DNAI7: variants seen among roughly 807,000 people sequenced by gnomAD.
DNAI7 encodes cancer susceptibility 1.
A neutral mutation model predicts 86.6 loss-of-function variants in DNAI7; 78 were observed. That is an observed-to-expected ratio of 0.90 (90% CI 0.75 to 1.09). The LOEUF is 1.09. Among genes scored for constraint, DNAI7 ranks in the 50% least tolerant of loss-of-function variants. The pLI is 0.00. For missense variants in DNAI7, 753 were observed against 810.2 expected, an observed-to-expected ratio of 0.93 and a Z score of 0.86; for synonymous variants, 274 against 273.0, an observed-to-expected ratio of 1.00 and a Z score of -0.04.
chr12:25,134,692 C>T (rs929121564), intron 9 of DNAI7, among the ~76,000 whole-genome samples: 2 of 152,058 alleles, frequency 1.3e-5, no homozygotes, highest in Non-Finnish European at 2.9e-5. Flanking sequence ...TCAACATCAT[C>T]ATTTGCATAT....
intron 6 of DNAI7, among the ~76,000 whole-genome samples, chr12:25,153,711 C>T (rs1945831378): frequency 6.6e-6 from 1 of 152,176 alleles, no homozygotes; most frequent in Admixed American, 6.5e-5. Flanking sequence ...GCCATGGCTT[C>T]AAGACCTTCT....
intron 10 of DNAI7, among the ~76,000 whole-genome samples, chr12:25,122,482 A>G (rs1031662059): frequency 6.6e-6 from 1 of 151,158 alleles, no homozygotes; most frequent in Non-Finnish European, 1.5e-5. Context: ...GGAGAAGAAG[A>G]AGAAGAAAGA....
chr12:25,159,658 C>T (rs1048958212), intron 3 of DNAI7, among the ~76,000 whole-genome samples: 2 of 152,012 alleles, frequency 1.3e-5, no homozygotes, highest in African/African-American at 4.8e-5. Flanking sequence ...ATGCAATTAC[C>T]TTAATCTTCT....
At position 25,114,703 on chromosome 12, in the gene DNAI7, G is replaced by A. The variant is rs1939701585; in HGVS notation, c.1564C>T (p.Leu522Phe). 1.2e-6 allele frequency: 2 copies of A among 1,613,124 alleles called. No homozygotes were observed. Among genetic ancestry groups the A allele is most frequent in the African/African-American group, 2.7e-5 (2 of 74,876 alleles). ...ELRPLDVNKVLLTVTTVFTEI... is the reference protein window; with the variant it reads ...ELRPLDVNKVFLTVTTVFTEI... ...GTAAATACTGTAGTCACAGTTAAAA[G>A]TACTTTATTTACATCAAGTGGTCTT... The change falls in exon 13 of 16, where the codon CTT becomes TTT. Residue 522 changes from leucine (L) to phenylalanine (F), a missense_variant. Transcript: ENST00000395987.
Position 25,110,225 on chromosome 12 carries a change from C to T in DNAI7, c.1795G>A (p.Val599Met). 1 of 1,604,122 alleles carries T rather than the reference C, an allele frequency of 6.2e-7. No homozygotes were observed. Among genetic ancestry groups the T allele is most frequent in the Non-Finnish European group, 8.5e-7 (1 of 1,171,176 alleles). The change falls in exon 15 of 16, where the codon GTG (valine) becomes ATG (methionine). Residue 599 changes from valine to methionine, a missense_variant. Val to Met is a conservative substitution (Grantham distance 21). Coordinates refer to ENST00000395987, the MANE Select transcript of DNAI7 (RefSeq NM_018272.5). ...AGGGCCATCTGTCGATAAGCTTTCA[C>T]TTCTACCAAAGGAACCTGTCAATAT... ...IINNKVPLVE[V>M]KAYRQMALLS...
Position 25,119,312 on chromosome 12 carries a change from T to G in DNAI7, c.1240-11A>C. 6 of 1,586,662 alleles carry G rather than the reference T, an allele frequency of 3.8e-6. No individual in the cohort carries two copies. In the South Asian group the frequency reaches 5.7e-5, roughly 15 times the overall value. On this transcript the variant is annotated splice_polypyrimidine_tract_variant and intron_variant, in intron 11 of 15. Coordinates refer to ENST00000395987, the MANE Select transcript of DNAI7 (RefSeq NM_018272.5). ...TCCTTCTTTGAGTATCTTTTTAAAATGACCAAAACAACATCAAGTTAGTTG... is the reference window on the plus strand; with the variant it reads ...TCCTTCTTTGAGTATCTTTTTAAAAGGACCAAAACAACATCAAGTTAGTTG...
chr12:25,130,525 A>T (rs1268940036), intron 9 of DNAI7, among the ~76,000 whole-genome samples: 1 of 148,882 alleles, frequency 6.7e-6, no homozygotes, highest in Non-Finnish European at 1.5e-5. Flanking sequence ...CGAAAGAGCG[A>T]GACTCCCTCT....
intron 6 of DNAI7, among the ~76,000 whole-genome samples, chr12:25,152,713 T>C (rs1049637937): frequency 6.6e-6 from 1 of 152,090 alleles, no homozygotes; most frequent in African/African-American, 2.4e-5. Flanking sequence ...TGATTGGAAG[T>C]GAAGGAAAGG....
intron 4 of DNAI7, among the ~76,000 whole-genome samples, chr12:25,157,936 C>A (rs896014333): frequency 6.6e-6 from 1 of 151,504 alleles, no homozygotes; most frequent in African/African-American, 2.4e-5. Context: ...TTGCTTAGAT[C>A]TAAGTCTTGG....
chr12:25,138,201 T>C (rs1045376044), intron 9 of DNAI7, among the ~76,000 whole-genome samples: 1 of 152,276 alleles, frequency 6.6e-6, no homozygotes, highest in South Asian at 2.1e-4. Flanking sequence ...CAGTGGCTCA[T>C]ACCTGTAATC....
At chr12:25,112,456 G>T (rs1341861817) in intron 13 of DNAI7, among the ~76,000 whole-genome samples, 1 of 141,742 alleles carries the variant, frequency 7.1e-6, no homozygotes, top group African/African-American at 2.7e-5. Context: ...GCCCAGGCTG[G>T]AGTGCAGTGG....
At chr12:25,110,032 AAG>A (rs1592156004) in intron 15 of DNAI7, 93 bp downstream of exon 15, 3 of 677,284 alleles carry the variant, frequency 4.4e-6, no homozygotes, top group East Asian at 5.2e-5. Context: ...TAACTTTTCT[AAG>A]AGGGGAAGCC....
rs369834484 is a variant in DNAI7 at position 25,117,161 on chromosome 12, T to C, written c.1396+1984A>G. ...GTTGCCCAGGCTGGTCTTGAACTCC[T>C]GAGCTCAAGTAATCCACCCACCTCA... On this transcript the variant is annotated intron_variant, in intron 12 of 15. Transcript: ENST00000395987. Among the ~76,000 whole-genome samples the C allele has an allele frequency of 1.5e-3, 233 of 152,210 alleles. 1 individual carries two copies. Among genetic ancestry groups the C allele is most frequent in the South Asian group, 0.014 (68 of 4,824 alleles).
chr12:25,195,152 C>G lies in DNAI7; in HGVS notation c.-74G>C. The G allele has an allele frequency of 6.6e-7, 1 of 1,516,558 alleles. No homozygotes were observed. Among genetic ancestry groups the G allele is most frequent in the Non-Finnish European group, 9.2e-7 (1 of 1,092,432 alleles). The allele number at this position is 1,516,558 out of a possible 1,614,324, so 93.9% of individuals were successfully genotyped here. A position where few individuals can be genotyped will look rare whatever the true frequency, so the allele number is the denominator to read the frequency against. ...GTGTGGACAAACGCTCCCGGGTTGC[C>G]CGGACGACAGGCCCCGCCCACTTGA... is the stretch of plus-strand genomic sequence containing the variant. On this transcript the variant is annotated 5_prime_UTR_variant, in exon 1 of 16. Transcript: ENST00000395987.
At chr12:25,192,713 G>C (rs1244796410) in intron 1 of DNAI7, 2 of 151,680 alleles carry the variant, frequency 1.3e-5, no homozygotes, top group Non-Finnish European at 2.9e-5. Flanking sequence ...CAGCTACTCG[G>C]GAGGCTGAGG....
At chr12:25,141,444 G>T (rs922658701) in intron 9 of DNAI7, among the ~76,000 whole-genome samples, 2 of 152,086 alleles carry the variant, frequency 1.3e-5, no homozygotes, top group South Asian at 2.1e-4. Context: ...TATACAAATC[G>T]CCAAGAAACA....
intron 13 of DNAI7, among the ~76,000 whole-genome samples, chr12:25,113,305 G>T (rs1939350373): frequency 6.6e-6 from 1 of 151,806 alleles, no homozygotes; most frequent in African/African-American, 2.4e-5. Flanking sequence ...TGTTGTTGTT[G>T]TTGTTGTTGT....
intron 3 of DNAI7, 99 bp from the exon 4 acceptor site, chr12:25,158,662 C>T (rs781258121): frequency 2.3e-5 from 34 of 1,507,930 alleles, no homozygotes; most frequent in Middle Eastern, 1.8e-4. Context: ...GTGGTGGAAT[C>T]TTTTATAGAA....
At chr12:25,165,464 C>A (rs1947349282) in intron 2 of DNAI7, among the ~76,000 whole-genome samples, 1 of 152,190 alleles carries the variant, frequency 6.6e-6, no homozygotes, top group Non-Finnish European at 1.5e-5. Context: ...ATGCCTACAG[C>A]CCAGGATTCC....
Sources: allele counts gnomAD v4.1 joint callset (sites outside exome capture counted in the v4.1 genomes callset), GRCh38; gene constraint gnomAD v4.1.1; transcripts MANE v1.5; gene names NCBI Gene and HGNC (gene_info 2026-07-23, HGNC 2026-07-21).